The following COL4A4 variants were observed in gnomAD, a reference collection of about 807,000 sequenced individuals.
COL4A4 encodes the protein collagen alpha-4(IV) chain.
In COL4A4, 105 loss-of-function variants were observed where a neutral mutation model predicts 192.9. The ratio of observed to expected loss-of-function variants is 0.54; its 90% CI spans 0.46 to 0.64. The LOEUF is 0.64. Among genes scored for constraint, COL4A4 ranks in the 30% least tolerant of loss-of-function variants. The pLI is 0.00. For missense variants in COL4A4, 1,967 were observed against 2,169.3 expected (o/e 0.91, Z 1.85); for synonymous variants, 762 against 769.9 (o/e 0.99, Z 0.17).
At chr2:227,009,501 C>T (rs886074181) in intron 46 of COL4A4, among the ~76,000 whole-genome samples, 2 of 152,052 alleles carry the variant, frequency 1.3e-5, no homozygotes, top group East Asian at 1.9e-4. Flanking sequence ...GTCAGATATT[C>T]GAGACCTACC....
At chr2:227,156,101 A>G (rs936036415) in intron 1 of COL4A4, among the ~76,000 whole-genome samples, 1 of 152,094 alleles carries the variant, frequency 6.6e-6, no homozygotes, top group African/African-American at 2.4e-5. Flanking sequence ...GGAAAAAGCA[A>G]TAAACATAAA....
chr2:227,064,879 A>G (rs1394748810), intron 25 of COL4A4, among the ~76,000 whole-genome samples: 1 of 152,220 alleles, frequency 6.6e-6, no homozygotes, highest in Non-Finnish European at 1.5e-5. Context: ...AAGAAATGCT[A>G]AAAGGGAAGA....
At chr2:227,080,749 GA>G (rs1315114468) in intron 23 of COL4A4, among the ~76,000 whole-genome samples, 200 bp from the exon 24 acceptor site, 1 of 152,160 alleles carries the variant, frequency 6.6e-6, no homozygotes, top group South Asian at 2.1e-4. Flanking sequence ...CTTTACTTGG[GA>G]AAAGCTCCTT....
chr2:227,045,013 T>C (rs1972150082), intron 35 of COL4A4, among the ~76,000 whole-genome samples: 1 of 152,326 alleles, frequency 6.6e-6, no homozygotes, highest in South Asian at 2.1e-4. Context: ...CTCAGGTTTA[T>C]GATTTTTAAG....
intron 37 of COL4A4, among the ~76,000 whole-genome samples, chr2:227,040,941 T>C (rs1559473286): frequency 6.6e-6 from 1 of 152,134 alleles, no homozygotes; most frequent in African/African-American, 2.4e-5. Flanking sequence ...TAAAGATTTA[T>C]TAATGACAAG....
intron 9 of COL4A4, among the ~76,000 whole-genome samples, chr2:227,110,540 G>A (rs1384956850): frequency 6.6e-6 from 1 of 151,934 alleles, no homozygotes; most frequent in African/African-American, 2.4e-5. Flanking sequence ...GCACCACCAC[G>A]TCTGGCTAAT....
chr2:227,057,377 G>C (rs1240952083), intron 29 of COL4A4, 62 bp downstream of exon 29: 2 of 1,530,962 alleles, frequency 1.3e-6, no homozygotes, highest in African/African-American at 2.7e-5. Context: ...AAGAGTAAAA[G>C]GGGAGCTTAT....
Position 227,089,899 on chromosome 2 carries a change from G to T in COL4A4, c.1428C>A (p.Pro476=). 1.2e-6 allele frequency: 2 copies of T among 1,613,510 alleles called. No homozygotes were observed. Among genetic ancestry groups the T allele is most frequent in the Non-Finnish European group, 1.7e-6 (2 of 1,179,730 alleles). ...CTCCTTTTGGGCCTCTTCCTCCTGG[G>T]GGACCAACTTTGCCTTTTATTCCTT... is the stretch of plus-strand genomic sequence containing the variant. ...GPQGIKGKVG[P]PGGRGPKGEK... The change falls in exon 21 of 48, where the codon CCC becomes CCA. Residue 476 remains proline, a synonymous_variant. Coordinates refer to ENST00000396625, the MANE Select transcript of COL4A4 (RefSeq NM_000092.5).
At chr2:227,079,427 A>G (rs558947262) in intron 24 of COL4A4, among the ~76,000 whole-genome samples, 6 of 152,226 alleles carry the variant, frequency 3.9e-5, no homozygotes, top group Non-Finnish European at 7.4e-5. Context: ...AGAGATTACC[A>G]AGCCTAAAGC....
chr2:227,139,553 C>T (rs932065455), intron 4 of COL4A4, among the ~76,000 whole-genome samples: 3 of 152,164 alleles, frequency 2.0e-5, no homozygotes, highest in Non-Finnish European at 2.9e-5. Flanking sequence ...TCAACGCAAA[C>T]GTTCTGGGTG....
At chr2:227,013,152 C>T (rs1420184244) in intron 44 of COL4A4, among the ~76,000 whole-genome samples, 1 of 152,220 alleles carries the variant, frequency 6.6e-6, no homozygotes, top group Non-Finnish European at 1.5e-5. Context: ...CATCTCCCTT[C>T]GGTCAGGGGA....
the COL4A4 span, chr2:226,995,826 T>C: frequency 2.8e-6 from 1 of 353,386 alleles, no homozygotes; most frequent in South Asian, 5.4e-5. Flanking sequence ...TCGGTCTGCT[T>C]TTGAAGACTG....
At chr2:226,978,294 C>T in the COL4A4 span, among the ~76,000 whole-genome samples, 65,523 of 151,980 alleles carry the variant, frequency 0.43, 14,205 homozygotes, top group South Asian at 0.52. Context: ...TACAACCCTT[C>T]CTATAGCCTG....
intron 1 of COL4A4, among the ~76,000 whole-genome samples, chr2:227,162,692 A>T (rs2064939946): frequency 6.6e-6 from 1 of 152,222 alleles, no homozygotes; most frequent in South Asian, 2.1e-4. Context: ...AAATTTTCAC[A>T]TGTTCGTGAA....
Position 227,132,473 on chromosome 2 carries a change from C to G in COL4A4, c.192+7688G>C, listed in dbSNP as rs539687520. Among the ~76,000 whole-genome samples the G allele has an allele frequency of 9.9e-5, 15 of 152,126 alleles. No individual in the cohort carries two copies. The South Asian group carries it at 3.1e-3, about 32-fold the overall frequency. ...TTATTATTGGTATTATTATTCGTTG[C>G]CATTAAGATTGTATGATAGAGGACG... On this transcript the variant is annotated intron_variant, in intron 4 of 47. Transcript: ENST00000396625.
In COL4A4 at chr2:227,104,005, C is replaced by T; in HGVS notation, c.783G>A (p.Glu261=). 1 of 1,613,546 alleles carries T rather than the reference C, an allele frequency of 6.2e-7. No individual in the cohort carries two copies. The highest frequency in any genetic ancestry group is 8.5e-7 in the Non-Finnish European group (1 of 1,179,948). The change falls in exon 13 of 48, where the codon GAG becomes GAA. Residue 261 remains glutamate (E), a synonymous_variant. Transcript: ENST00000396625. Reference sequence around the variant, plus strand: ...CTTTATAGAGACAAAAGTCAGGTGGCTCTACCAACAGGGTGGGTCCAGGAG... The same window carrying T: ...CTTTATAGAGACAAAAGTCAGGTGGTTCTACCAACAGGGTGGGTCCAGGAG... The part of the protein sequence containing the change: ...QGSPGPTLLV[E]PPDFCLYKGE...
At chr2:226,978,232 T>A in the COL4A4 span, among the ~76,000 whole-genome samples, 3 of 152,248 alleles carry the variant, frequency 2.0e-5, no homozygotes, top group Non-Finnish European at 4.4e-5. Context: ...TGATCATCTT[T>A]TTTTTAAAAT....
chr2:227,041,862 GAAAGAAAGAAAGAAAGAAAGA>G (rs1559478616), intron 37 of COL4A4, among the ~76,000 whole-genome samples: 2 of 118,332 alleles, frequency 1.7e-5, no homozygotes, highest in African/African-American at 7.3e-5. Context: ...AAGAAAGAAA[GAAAGAAAGAAAGAAAGAAAGA>G]AAGAAAGAAA....
intron 4 of COL4A4, among the ~76,000 whole-genome samples, chr2:227,127,854 C>T (rs1328000577): frequency 6.6e-6 from 1 of 152,120 alleles, no homozygotes; most frequent in Non-Finnish European, 1.5e-5. Context: ...AGGTATAAAT[C>T]AGTGCAAGGT....
Sources: gnomAD v4.1 joint callset for allele counts (sites outside exome capture counted in the v4.1 genomes callset) on GRCh38, gnomAD v4.1.1 for gene constraint, MANE v1.5 for transcripts, NCBI Gene and HGNC (gene_info 2026-07-23, HGNC 2026-07-21) for gene names.